Variants in MPP4 observed in about 807,000 individuals in gnomAD.
MPP4 encodes the protein MAGUK p55 scaffold protein 4.
Under a neutral mutation model 98.3 loss-of-function variants are expected in MPP4, and 91 were observed. That is an observed-to-expected ratio of 0.93 (90% CI 0.78 to 1.10). The LOEUF (loss-of-function observed/expected upper bound fraction) is 1.10. MPP4 is among the 50% of genes least tolerant of loss of function. The pLI, the probability that MPP4 is intolerant of heterozygous loss-of-function variation, is 0.00. For missense variants in MPP4, 744 were observed against 792.9 expected (o/e 0.94, Z 0.74); for synonymous variants, 261 against 271.8 (o/e 0.96, Z 0.39).
chr2:201,658,907 C>G (rs1364499002), intron 15 of MPP4, among the ~76,000 whole-genome samples: 1 of 152,092 alleles, frequency 6.6e-6, no homozygotes, highest in East Asian at 1.9e-4. Flanking sequence ...TTGTTCTTCT[C>G]CCTCCCTGCC....
intron 6 of MPP4, 147 bp from the exon 7 acceptor site, chr2:201,685,292 TCTGGTCTTTCAATCAATGC>T (rs1688793919): frequency 5.1e-6 from 1 of 197,624 alleles, no homozygotes; most frequent in Non-Finnish European, 8.5e-6. Flanking sequence ...TCAATGCAGC[TCTGGTCTTTCAATCAATGC>T]AGCTCTGGTT....
intron 10 of MPP4, among the ~76,000 whole-genome samples, chr2:201,677,268 A>G (rs1344907356): frequency 6.6e-6 from 1 of 151,998 alleles, no homozygotes; most frequent in Non-Finnish European, 1.5e-5. Context: ...ACATCTTCAC[A>G]TGTTCCCTCT....
chr2:201,683,572 C>T (rs1688725752), intron 7 of MPP4, among the ~76,000 whole-genome samples: 1 of 151,896 alleles, frequency 6.6e-6, no homozygotes, highest in Non-Finnish European at 1.5e-5. Context: ...AACTTGATGA[C>T]ACTCTGTCTG....
chr2:201,649,840 C>T (rs1019748017), intron 19 of MPP4, among the ~76,000 whole-genome samples, 156 bp from the exon 20 acceptor site: 6 of 152,174 alleles, frequency 3.9e-5, no homozygotes, highest in African/African-American at 1.2e-4. Context: ...ACAAAATGAG[C>T]ATATCTAGAG....
chr2:201,693,120 AC>A, intron 2 of MPP4, 91 bp from the exon 3 acceptor site: 1 of 1,430,304 alleles, frequency 7.0e-7, no homozygotes, highest in Non-Finnish European at 9.4e-7. Context: ...ATGGGGTCTC[AC>A]CAGGAGTGGA....
intron 21 of MPP4, among the ~76,000 whole-genome samples, chr2:201,647,445 C>T (rs1388457989): frequency 1.3e-5 from 2 of 151,984 alleles, no homozygotes; most frequent in Non-Finnish European, 2.9e-5. Context: ...AAGGATAAAT[C>T]GTAAGGGCAT....
At chr2:201,681,075 A>G (rs1352124780) in intron 9 of MPP4, 41 bp from the exon 10 acceptor site, 2 of 1,584,894 alleles carry the variant, frequency 1.3e-6, no homozygotes, top group East Asian at 4.5e-5. Flanking sequence ...AAGGTGCCTA[A>G]TGGTGCCATC....
At chr2:201,686,287 G>A (rs551853309) in intron 5 of MPP4, among the ~76,000 whole-genome samples, 109 of 152,290 alleles carry the variant, frequency 7.2e-4, no homozygotes, top group Admixed American at 1.1e-3. Flanking sequence ...GAGAGGTTAA[G>A]CAATGCACAA....
chr2:201,678,518 G>T (rs1004266220), intron 10 of MPP4, among the ~76,000 whole-genome samples: 1 of 152,038 alleles, frequency 6.6e-6, no homozygotes, highest in African/African-American at 2.4e-5. Flanking sequence ...CCTCTCCCAC[G>T]CCCAGTGGGG....
In MPP4 at chr2:201,692,920, C is replaced by G. The variant is rs1689079854; in HGVS notation, c.189G>C (p.Gln63His). The change falls in exon 3 of 22, where the codon CAG becomes CAC. Residue 63 changes from glutamine to histidine, a missense_variant. Coordinates refer to ENST00000409474, the MANE Select transcript of MPP4 (RefSeq NM_033066.3). ...AAGAAGCACTCACCTTTAGCAGAGC[C>G]TGAAGCCACGGCGAGTGGAGGAGAT... ...LYDLLHSPWL[Q>H]ALLKIYDCLQ... 1 of 1,608,778 alleles carries G rather than the reference C, an allele frequency of 6.2e-7. No homozygotes were observed. The highest frequency in any genetic ancestry group is 1.3e-5 in the African/African-American group (1 of 74,918).
intron 13 of MPP4, chr2:201,664,398 A>AACCCCACACCCCC: frequency 7.7e-7 from 1 of 1,306,934 alleles, no homozygotes; most frequent in Non-Finnish European, 1.0e-6. Context: ...GCTCAGAGGG[A>AACCCCACACCCCC]AGGGGAAAGT....
intron 14 of MPP4, 101 bp downstream of exon 14, chr2:201,663,980 G>T (rs1688094512): frequency 3.8e-6 from 3 of 798,634 alleles, no homozygotes; most frequent in Non-Finnish European, 5.4e-6. Context: ...ATTTTTTAAT[G>T]TTGATATATT....
intron 16 of MPP4, among the ~76,000 whole-genome samples, chr2:201,656,754 G>A (rs1234324532): frequency 6.6e-6 from 1 of 152,180 alleles, no homozygotes; most frequent in East Asian, 1.9e-4. Flanking sequence ...CAGTAAGGTT[G>A]GAGTATCTCT....
intron 3 of MPP4, among the ~76,000 whole-genome samples, chr2:201,692,358 A>C (rs1205479328): frequency 1.3e-5 from 2 of 152,176 alleles, no homozygotes; most frequent in Non-Finnish European, 2.9e-5. Context: ...AGCCTGGCCA[A>C]CATGGTGAAA....
intron 1 of MPP4, among the ~76,000 whole-genome samples, chr2:201,697,505 C>T (rs1689223865): frequency 6.6e-6 from 1 of 152,170 alleles, no homozygotes. Context: ...TGCAGCTTCA[C>T]CTGCAACAGT....
chr2:201,658,496 G>T lies in MPP4; in HGVS notation c.1110C>A (p.Tyr370Ter). Residue 370 changes from tyrosine to a stop codon, truncating the protein, a stop_gained, in exon 16 of 22, where the codon TAC (tyrosine) becomes TAA (stop). Coordinates refer to ENST00000409474, the MANE Select transcript of MPP4 (RefSeq NM_033066.3). LOFTEE classifies it high-confidence loss of function. Reference sequence around the variant, plus strand: ...ACCTACCTATAAAGAACTTCTGACCGTAGCCAACAAACTCCTCCTTGTCTG... The same window carrying T: ...ACCTACCTATAAAGAACTTCTGACCTTAGCCAACAAACTCCTCCTTGTCTG... ...LSEDKEEFVG[Y>*]GQKFFIAGFR... 6.2e-7 allele frequency: 1 copy of T among 1,612,850 alleles called. No homozygotes were observed. The highest frequency in any genetic ancestry group is 8.5e-7 in the Non-Finnish European group (1 of 1,179,452).
chr2:201,675,319 C>T, intron 10 of MPP4, 48 bp from the exon 11 acceptor site: 1 of 1,542,232 alleles, frequency 6.5e-7, no homozygotes, highest in Non-Finnish European at 8.8e-7. Flanking sequence ...AAAAACCACT[C>T]TTTGTTAACC....
chr2:201,657,969 GT>G (rs1234609914), intron 16 of MPP4, among the ~76,000 whole-genome samples: 47 of 130,182 alleles, frequency 3.6e-4, no homozygotes, highest in Middle Eastern at 4.0e-3. Flanking sequence ...TTTTTTTTTT[GT>G]TTTTTTTTTT....
At chr2:201,690,164 T>C (rs1292250732) in intron 4 of MPP4, 38 bp downstream of exon 4, 1 of 1,430,406 alleles carries the variant, frequency 7.0e-7, no homozygotes, top group Non-Finnish European at 9.7e-7. Flanking sequence ...TGGCACCACA[T>C]CAGAGCTCTA....
Sources: gnomAD v4.1 joint callset for allele counts (sites outside exome capture counted in the v4.1 genomes callset) on GRCh38, gnomAD v4.1.1 for gene constraint, MANE v1.5 for transcripts, NCBI Gene and HGNC (gene_info 2026-07-23, HGNC 2026-07-21) for gene names.